Variants in PDZD2 observed in about 807,000 individuals in gnomAD.
PDZD2 encodes the protein PDZ domain containing 2, also known as PDZ domain-containing protein 2.
PDZD2 carries 90 observed loss-of-function variants against 220.7 expected under a neutral mutation model. That is an observed-to-expected ratio of 0.41 (90% confidence interval 0.34 to 0.49). The LOEUF is 0.49. Among genes scored for constraint, PDZD2 ranks in the 20% least tolerant of loss-of-function variants. PDZD2 has a pLI of 0.28. For missense variants in PDZD2, 3,174 were observed against 3,608.5 expected (o/e 0.88, Z 3.08); for synonymous variants, 1,375 against 1,450.5 (o/e 0.95, Z 1.18).
In PDZD2 at chr5:32,098,126, T is replaced by A. The variant is rs538026459; in HGVS notation, c.7948-238T>A. ...TACAAAAATTAACTTGGCATAGTGG[T>A]GTGTGCCTATAATCCCAGCTACTCA... On this transcript the variant is annotated intron_variant, in intron 22 of 24. Coordinates refer to ENST00000438447, the MANE Select transcript of PDZD2 (RefSeq NM_178140.4). The surrounding 1 kb of genome is among the most constrained non-coding windows in gnomAD (Gnocchi z 4.1). Among the ~76,000 whole-genome samples the A allele has an allele frequency of 2.6e-5, 4 of 152,190 alleles. No individual in the cohort carries two copies. In the South Asian group the frequency reaches 8.3e-4, roughly 32 times the overall value.
chr5:32,058,166 A>C, intron 12 of PDZD2, 63 bp downstream of exon 12: 1 of 845,108 alleles, frequency 1.2e-6, no homozygotes, highest in South Asian at 1.5e-5. Flanking sequence ...ATCTGTTGTT[A>C]GCTTAATTCT....
intron 2 of PDZD2, among the ~76,000 whole-genome samples, chr5:31,884,127 C>T (rs1271865456): frequency 6.6e-6 from 1 of 152,140 alleles, no homozygotes; most frequent in Non-Finnish European, 1.5e-5. Context: ...GCCGGAGAAT[C>T]GCTTGAACCC....
At chr5:32,047,181 T>C (rs1660709679) in intron 7 of PDZD2, among the ~76,000 whole-genome samples, 1 of 152,194 alleles carries the variant, frequency 6.6e-6, no homozygotes, top group South Asian at 2.1e-4. Context: ...AGCCAATGAA[T>C]GTATGAAAAG....
Position 32,061,095 on chromosome 5 carries a change from A to T in PDZD2, c.2412A>T (p.Gly804=). Residue 804 remains glycine (G), a synonymous_variant, in exon 14 of 25, where the codon GGA becomes GGT. Transcript: ENST00000438447. ...CCATCTTGAGTAAATGCCCTCCAGGACCCGTTCGCCTTGTCATCGGCCGGC... is the reference window on the plus strand; with the variant it reads ...CCATCTTGAGTAAATGCCCTCCAGGTCCCGTTCGCCTTGTCATCGGCCGGC... ...VHAILSKCPP[G]PVRLVIGRHP... The T allele has an allele frequency of 6.2e-7, 1 of 1,614,110 alleles. No homozygotes were observed. Among genetic ancestry groups the T allele is most frequent in the Non-Finnish European group, 8.5e-7 (1 of 1,180,008 alleles).
At chr5:31,908,538 G>T in intron 2 of PDZD2, 1 of 1,049,918 alleles carries the variant, frequency 9.5e-7, no homozygotes, top group South Asian at 1.4e-5. Context: ...GCGAGGGCAC[G>T]GAAAGCACAG....
chr5:32,097,359 T>C lies in PDZD2; in HGVS notation c.7926T>C (p.Asp2642=), dbSNP rs1212064557. ...GATTCAGTGTGGCAGGAGGGACAGATGTGGAGCCAAAATCAATCACGGTAA... is the reference window on the plus strand; with the variant it reads ...GATTCAGTGTGGCAGGAGGGACAGACGTGGAGCCAAAATCAATCACGGTAA... The part of the protein sequence containing the change: ...GLGFSVAGGT[D]VEPKSITVHR... Residue 2642 remains aspartate (D), a synonymous_variant, in exon 22 of 25, where the codon GAT becomes GAC. Coordinates refer to ENST00000438447, the MANE Select transcript of PDZD2 (RefSeq NM_178140.4). 6 of 1,610,018 alleles carry C rather than the reference T, an allele frequency of 3.7e-6. No individual in the cohort carries two copies. The highest frequency in any genetic ancestry group is 2.2e-5 in the South Asian group (2 of 90,980).
intron 1 of PDZD2, among the ~76,000 whole-genome samples, chr5:31,749,329 G>A (rs182193032): frequency 6.6e-6 from 1 of 152,226 alleles, no homozygotes; most frequent in East Asian, 1.9e-4. Context: ...ATGAAGCTCA[G>A]AGGGGTTAAG....
intron 2 of PDZD2, among the ~76,000 whole-genome samples, chr5:31,946,737 G>C (rs1464850535): frequency 6.6e-6 from 1 of 152,166 alleles, no homozygotes; most frequent in Non-Finnish European, 1.5e-5. Context: ...TGTTGCCCAG[G>C]TTGGAGTGCA....
intron 2 of PDZD2, among the ~76,000 whole-genome samples, chr5:31,898,031 G>T (rs1012111809): frequency 1.3e-5 from 2 of 152,078 alleles, no homozygotes; most frequent in Non-Finnish European, 2.9e-5. Flanking sequence ...ATGAGCCACC[G>T]CACCCAGCCA....
At chr5:31,847,703 A>G (rs1275656935) in intron 2 of PDZD2, 1 of 604,056 alleles carries the variant, frequency 1.7e-6, no homozygotes. Flanking sequence ...TGCTATTTGG[A>G]TGCAGGCCTT....
At position 32,083,450 on chromosome 5, in the gene PDZD2, G is replaced by A. The variant is rs1250684181; in HGVS notation, c.3683-3681G>A. 1.3e-5 allele frequency: 2 copies of A among 152,136 alleles called. No homozygotes were observed. Among genetic ancestry groups the A allele is most frequent in the Non-Finnish European group, 2.9e-5 (2 of 68,052 alleles). The allele number at this position is 152,136 out of a possible 1,614,324, so 9.4% of individuals were successfully genotyped here. On this transcript the variant is annotated intron_variant, in intron 19 of 24. Coordinates refer to ENST00000438447, the MANE Select transcript of PDZD2 (RefSeq NM_178140.4). The surrounding 1 kb of genome is among the most constrained non-coding windows in gnomAD (Gnocchi z 4.1). ...CCCGACATCACCTGGAGAGGCTGCT[G>A]GGCCTTCCACCCCACGGATGTGCTG...
intron 2 of PDZD2, chr5:31,840,519 T>G: frequency 1.8e-6 from 1 of 557,700 alleles, no homozygotes; most frequent in Admixed American, 2.5e-5. Flanking sequence ...AGGGAATGGG[T>G]TCCAGCAGCT....
intron 2 of PDZD2, among the ~76,000 whole-genome samples, chr5:31,841,342 C>T (rs1402893587): frequency 6.6e-6 from 1 of 152,114 alleles, no homozygotes; most frequent in Non-Finnish European, 1.5e-5. Context: ...TTTCTTAACC[C>T]CACTAAGCCA....
chr5:31,963,743 T>A (rs1377792502), intron 2 of PDZD2, among the ~76,000 whole-genome samples: 6 of 152,184 alleles, frequency 3.9e-5, no homozygotes, highest in African/African-American at 1.4e-4. Flanking sequence ...AGTCCAACAT[T>A]GGTCTGTATT....
chr5:31,848,103 C>CT, intron 2 of PDZD2: 1 of 320,030 alleles, frequency 3.1e-6, no homozygotes, highest in Non-Finnish European at 6.0e-6. Flanking sequence ...GATCAGGTAG[C>CT]TCAAAAGTAG....
intron 2 of PDZD2, chr5:31,840,715 T>G (rs1757252292): frequency 6.5e-6 from 5 of 773,580 alleles, no homozygotes; most frequent in Non-Finnish European, 1.2e-5. Flanking sequence ...TTAATTCTCT[T>G]GGCAAGAATC....
At chr5:32,036,209 G>A (rs547768458) in intron 6 of PDZD2, among the ~76,000 whole-genome samples, 5 of 152,184 alleles carry the variant, frequency 3.3e-5, no homozygotes, top group East Asian at 3.9e-4. Flanking sequence ...CTCGTGATCC[G>A]CCCACCTCTG....
chr5:32,041,019 G>A (rs1756079018), intron 7 of PDZD2, among the ~76,000 whole-genome samples: 1 of 143,556 alleles, frequency 7.0e-6, no homozygotes, highest in East Asian at 2.2e-4. Flanking sequence ...CGCCCCGTCT[G>A]GGAGGTGAGG....
chr5:32,046,132 T>C (rs929285189), intron 7 of PDZD2, among the ~76,000 whole-genome samples: 1 of 152,258 alleles, frequency 6.6e-6, no homozygotes, highest in Non-Finnish European at 1.5e-5. Flanking sequence ...GCTATATTCA[T>C]ATGTAGTTGA....
Sources: gnomAD v4.1 joint callset for allele counts (sites outside exome capture counted in the v4.1 genomes callset) on GRCh38, gnomAD v4.1.1 for gene constraint, Gnocchi (gnomAD v3.1) non-coding constraint, MANE v1.5 for transcripts, NCBI Gene and HGNC (gene_info 2026-07-23, HGNC 2026-07-21) for gene names.